The following ZDHHC11 variants were observed in gnomAD, a reference collection of about 807,000 sequenced individuals.
ZDHHC11 encodes the protein palmitoyltransferase ZDHHC11.
Under a neutral mutation model 51.3 loss-of-function variants are expected in ZDHHC11, and 44 were observed. The ratio of observed to expected loss-of-function variants is 0.86; its 90% confidence interval spans 0.67 to 1.10. ZDHHC11 has a LOEUF of 1.10. Ranked by LOEUF, ZDHHC11 falls within the 50% of genes least tolerant of loss-of-function variation. ZDHHC11 has a pLI of 0.00. For synonymous variants in ZDHHC11, 163 were observed against 222.0 expected, an observed-to-expected ratio of 0.73 and a Z score of 2.36; for missense variants, 400 against 537.7, an observed-to-expected ratio of 0.74 and a Z score of 2.53.
intron 3 of ZDHHC11, among the ~76,000 whole-genome samples, chr5:846,052 G>C (rs1384955350): frequency 2.0e-5 from 3 of 150,474 alleles, no homozygotes; most frequent in Non-Finnish European, 4.4e-5. Flanking sequence ...GCTAGCATGA[G>C]CCAGAGGAGC....
intron 3 of ZDHHC11, among the ~76,000 whole-genome samples, chr5:846,257 C>A (rs1257415907): frequency 1.3e-5 from 2 of 151,124 alleles, no homozygotes; most frequent in Non-Finnish European, 3.0e-5. Flanking sequence ...AGGGCAGGGA[C>A]CGCCCGGTGC....
At chr5:802,082 C>A (rs915384731) in intron 11 of ZDHHC11, among the ~76,000 whole-genome samples, 5 of 151,256 alleles carry the variant, frequency 3.3e-5, no homozygotes, top group African/African-American at 1.2e-4. Context: ...GGAAGAGACC[C>A]CCAGGAATTG....
At chr5:851,307 C>T (rs376883193), upstream of ZDHHC11, among the ~76,000 whole-genome samples, 9 of 150,660 alleles carry the variant, frequency 6.0e-5, no homozygotes, top group South Asian at 6.5e-4. Flanking sequence ...GTTCTGAACA[C>T]GCTGCGGCTG....
rs1182633653 is a variant in ZDHHC11, at chr5:802,282, T to C, written c.1182-1118A>G. On this transcript the variant is annotated intron_variant, in intron 11 of 12. Coordinates refer to ENST00000283441, the MANE Select transcript of ZDHHC11 (RefSeq NM_024786.3). ...AGTCTTGGTAGACACAGAGAAGTGC[T>C]AGGAAAAAATGCACAGAAGGAAGTG... 2.0e-5 allele frequency among the ~76,000 whole-genome samples: 3 copies of C among 150,934 alleles called. No individual in the cohort carries two copies. The East Asian group carries it at 5.8e-4, about 29-fold the overall frequency.
chr5:806,518 C>A (rs1487440274), intron 11 of ZDHHC11, among the ~76,000 whole-genome samples: 1 of 150,908 alleles, frequency 6.6e-6, no homozygotes, highest in Non-Finnish European at 1.5e-5. Flanking sequence ...ATTACTTATA[C>A]AATATGTATA....
chr5:849,961 G>C (rs1455101747), intron 1 of ZDHHC11, among the ~76,000 whole-genome samples: 2 of 151,026 alleles, frequency 1.3e-5, no homozygotes, highest in African/African-American at 4.9e-5. Flanking sequence ...GGCCCTCGCA[G>C]TGTGGCCTAA....
rs3180297 is a variant in ZDHHC11, at chr5:795,914, T to G, written c.*674A>C. 3 of 71,898 alleles carry G rather than the reference T, an allele frequency of 4.2e-5. No homozygotes were observed. The highest frequency in any genetic ancestry group is 7.0e-5 in the Non-Finnish European group (3 of 42,768). The allele number at this position is 71,898 out of a possible 1,614,324, so 4.5% of individuals were successfully genotyped here. A position where few individuals can be genotyped will look rare whatever the true frequency, so the allele number is the denominator to read the frequency against. On this transcript the variant is annotated 3_prime_UTR_variant, in exon 13 of 13. Transcript: ENST00000283441. ...TGTGGGCTCCCATTTCCCAGTACTG[T>G]GCTCCCATTTCCCAGTACTGTGTGC...
intron 3 of ZDHHC11, among the ~76,000 whole-genome samples, chr5:846,230 C>T (rs1448696519): frequency 2.0e-5 from 3 of 151,242 alleles, no homozygotes; most frequent in Admixed American, 1.3e-4. Context: ...GTGCTCCAGA[C>T]GGGATGGCAG....
chr5:856,201 C>CCACACAA (rs1560872909), intron 1 of ZDHHC11, among the ~76,000 whole-genome samples: 13 of 151,432 alleles, frequency 8.6e-5, no homozygotes. Context: ...ACACCACACA[C>CCACACAA]CACACAACAC....
At position 847,512 on chromosome 5, in the gene ZDHHC11, A is replaced by C. The variant is rs1316327827; in HGVS notation, c.503+2T>G. The C allele has an allele frequency of 2.7e-6, 3 of 1,096,670 alleles. No homozygotes were observed. The highest frequency in any genetic ancestry group is 4.0e-6 in the Non-Finnish European group (3 of 757,956). The allele number at this position is 1,096,670 out of a possible 1,614,324, so 67.9% of individuals were successfully genotyped here. On this transcript the variant is annotated splice_donor_variant, in intron 3 of 12. Transcript: ENST00000283441. LOFTEE classifies it high-confidence loss of function. ...GCCGGCCATCCCCTCTGTGCCCCTCACCAATAATTCCGGCTTCCCACGCAG... is the reference window on the plus strand; with the variant it reads ...GCCGGCCATCCCCTCTGTGCCCCTCCCCAATAATTCCGGCTTCCCACGCAG...
At position 803,669 on chromosome 5, in the gene ZDHHC11, G is replaced by C. The variant is rs1317395970; in HGVS notation, c.1182-2505C>G. 2.6e-5 allele frequency among the ~76,000 whole-genome samples: 4 copies of C among 151,032 alleles called. 1 individual carries two copies. The highest frequency in any genetic ancestry group is 7.3e-5 in the African/African-American group (3 of 41,104). ...CATAAACTATGTCTGTGAAAGTTCA[G>C]ACATTTGAACTACTAGTCAAACACA... On this transcript the variant is annotated intron_variant, in intron 11 of 12. Coordinates refer to ENST00000283441, the MANE Select transcript of ZDHHC11 (RefSeq NM_024786.3).
Position 827,877 on chromosome 5 carries a change from G to A in ZDHHC11, c.936-2626C>T, listed in dbSNP as rs568308110. Among the ~76,000 whole-genome samples, 9 of 151,204 alleles carry A rather than the reference G, an allele frequency of 6.0e-5. 1 individual carries two copies. The East Asian group carries it at 1.6e-3, about 26-fold the overall frequency. On this transcript the variant is annotated intron_variant, in intron 7 of 12. Coordinates refer to ENST00000283441, the MANE Select transcript of ZDHHC11 (RefSeq NM_024786.3). ...AGGTCTCTGGCTTTCCTAGGCAGAG[G>A]ACCCAGCGGCCTTCCCCAGTGTTTG... is the stretch of plus-strand genomic sequence containing the variant.
upstream of ZDHHC11, among the ~76,000 whole-genome samples, chr5:860,551 G>A (rs1213286148): frequency 1.3e-5 from 2 of 152,074 alleles, no homozygotes; most frequent in South Asian, 2.1e-4. The surrounding 1 kb of genome is among the most constrained non-coding windows in gnomAD (Gnocchi z 4.2). Context: ...TACCTGAGAC[G>A]GAGTAATTTT....
Position 808,984 on chromosome 5 carries a change from T to TACACACACACACACACACACAC in ZDHHC11, c.1181+5755_1181+5776dup, listed in dbSNP as rs56961185. ...CATGCTCCATCTTTTGACCATCAGT[T>TACACACACACACACACACACAC]ACACACACACACACACACACACACA... On this transcript the variant is annotated intron_variant, in intron 11 of 12. Coordinates refer to ENST00000283441, the MANE Select transcript of ZDHHC11 (RefSeq NM_024786.3). Among the ~76,000 whole-genome samples the TACACACACACACACACACACAC allele has an allele frequency of 1.5e-3, 195 of 133,804 alleles. 1 individual carries two copies. Among genetic ancestry groups the TACACACACACACACACACACAC allele is most frequent in the African/African-American group, 5.1e-3 (182 of 35,432 alleles). The allele number at this position is 133,804 out of a possible 152,430, so 87.8% of individuals were successfully genotyped here. A position where few individuals can be genotyped will look rare whatever the true frequency, so the allele number is the denominator to read the frequency against.
At chr5:838,293 G>A (rs1243347614) in intron 5 of ZDHHC11, among the ~76,000 whole-genome samples, 1 of 151,998 alleles carries the variant, frequency 6.6e-6, no homozygotes, top group Non-Finnish European at 1.5e-5. Context: ...CTTAACAAAC[G>A]TTAATAAAAT....
chr5:844,196 G>A (rs1745713215), intron 3 of ZDHHC11, among the ~76,000 whole-genome samples: 1 of 152,260 alleles, frequency 6.6e-6, no homozygotes, highest in South Asian at 2.1e-4. Context: ...GTGCCGTCCT[G>A]TGACGCCCCC....
chr5:842,130 C>A, intron 4 of ZDHHC11: 1 of 986,486 alleles, frequency 1.0e-6, no homozygotes. Context: ...AGGCCACAAT[C>A]AATGAATTCA....
At chr5:827,636 G>C (rs1038343659) in intron 7 of ZDHHC11, among the ~76,000 whole-genome samples, 1 of 150,938 alleles carries the variant, frequency 6.6e-6, no homozygotes, top group Non-Finnish European at 1.5e-5. Context: ...AAGACAAAGA[G>C]CAACATTATA....
chr5:801,394 A>G (rs1327911124), intron 11 of ZDHHC11, among the ~76,000 whole-genome samples: 1 of 151,934 alleles, frequency 6.6e-6, no homozygotes, highest in African/African-American at 2.4e-5. Context: ...GTGCTGATAT[A>G]GAGACAAAGT....
Sources: gnomAD v4.1 joint callset for allele counts (sites outside exome capture counted in the v4.1 genomes callset) on GRCh38, gnomAD v4.1.1 for gene constraint, Gnocchi (gnomAD v3.1) non-coding constraint, MANE v1.5 for transcripts, NCBI Gene and HGNC (gene_info 2026-07-23, HGNC 2026-07-21) for gene names.